The following MYO1D variants were observed in gnomAD, a reference collection of about 807,000 sequenced individuals.
MYO1D encodes the protein unconventional myosin-Id.
Under a neutral mutation model 122.0 loss-of-function variants are expected in MYO1D, and 83 were observed. The ratio of observed to expected loss-of-function variants is 0.68; its 90% CI spans 0.57 to 0.82. MYO1D has a LOEUF of 0.82. Ranked by LOEUF, MYO1D falls within the 40% of genes least tolerant of loss-of-function variation. The pLI, the probability that MYO1D is intolerant of heterozygous loss-of-function variation, is 0.00. For synonymous variants in MYO1D, 464 were observed against 446.9 expected (o/e 1.04, Z -0.48); for missense variants, 1,157 against 1,269.5 (o/e 0.91, Z 1.35).
intron 21 of MYO1D, among the ~76,000 whole-genome samples, chr17:32,579,744 T>C (rs1020681453): frequency 3.9e-4 from 60 of 152,206 alleles, no homozygotes; most frequent in African/African-American, 1.4e-3. Context: ...TGTATATAAA[T>C]GGATAAACTT....
chr17:32,734,420 ATTACT>A (rs1472872011), intron 14 of MYO1D, among the ~76,000 whole-genome samples: 1 of 151,866 alleles, frequency 6.6e-6, no homozygotes, highest in Non-Finnish European at 1.5e-5. Context: ...TTTTTGTTCC[ATTACT>A]TTAAAGTTTT....
intron 14 of MYO1D, among the ~76,000 whole-genome samples, chr17:32,730,502 T>C (rs1467459801): frequency 1.3e-5 from 2 of 152,206 alleles, no homozygotes; most frequent in Non-Finnish European, 2.9e-5. Flanking sequence ...AGAATCTCCT[T>C]AAGTGAGGTT....
At position 32,687,610 on chromosome 17, in the gene MYO1D, T is replaced by C. The variant is rs1388302253; in HGVS notation, c.2121+24378A>G. 4.6e-5 allele frequency among the ~76,000 whole-genome samples: 7 copies of C among 152,314 alleles called. No homozygotes were observed. In the East Asian group the frequency reaches 1.3e-3, roughly 29 times the overall value. On this transcript the variant is annotated intron_variant, in intron 16 of 21. Coordinates refer to ENST00000318217, the MANE Select transcript of MYO1D (RefSeq NM_015194.3). Reference sequence around the variant, plus strand: ...TTCCTGCTTCAGTCTCCCAAAGTGCTGGGATTACAGGCGTGAGCCACTGTG... The same window carrying C: ...TTCCTGCTTCAGTCTCCCAAAGTGCCGGGATTACAGGCGTGAGCCACTGTG...
chr17:32,722,368 T>G (rs2089521884), intron 14 of MYO1D, among the ~76,000 whole-genome samples: 1 of 152,226 alleles, frequency 6.6e-6, no homozygotes, highest in Admixed American at 6.5e-5. Flanking sequence ...GAGTCAAAAG[T>G]CAATGTGTCA....
At chr17:32,704,240 C>T (rs1464773877) in intron 16 of MYO1D, among the ~76,000 whole-genome samples, 1 of 152,176 alleles carries the variant, frequency 6.6e-6, no homozygotes, top group Non-Finnish European at 1.5e-5. Flanking sequence ...ATCAAATGTG[C>T]ATTATGAAAG....
chr17:32,838,814 A>C (rs1201337019), intron 1 of MYO1D, among the ~76,000 whole-genome samples: 1 of 152,174 alleles, frequency 6.6e-6, no homozygotes, highest in African/African-American at 2.4e-5. Flanking sequence ...AATATTAACA[A>C]CTGACTCAAT....
At chr17:32,869,608 G>A (rs932756315) in intron 1 of MYO1D, among the ~76,000 whole-genome samples, 3 of 152,216 alleles carry the variant, frequency 2.0e-5, no homozygotes, top group African/African-American at 7.2e-5. Context: ...TTGCTTAGCT[G>A]ACTCACACTT....
At position 32,784,133 on chromosome 17, in the gene MYO1D, G is replaced by T. The variant is rs181146286; in HGVS notation, c.96-3349C>A. On this transcript the variant is annotated intron_variant, in intron 1 of 21. Transcript: ENST00000318217. ...AACACTAAGAGTAAGAGCATACAGG[G>T]TCTGGCCTCCGGGTTTCTGTTGACT... is the stretch of plus-strand genomic sequence containing the variant. Among the ~76,000 whole-genome samples, 33 of 152,250 alleles carry T rather than the reference G, an allele frequency of 2.2e-4. 1 individual carries two copies. Among genetic ancestry groups the T allele is most frequent in the Middle Eastern group, 6.8e-3 (2 of 294 alleles).
At chr17:32,682,736 C>T (rs2088939744) in intron 16 of MYO1D, among the ~76,000 whole-genome samples, 1 of 119,656 alleles carries the variant, frequency 8.4e-6, no homozygotes, top group South Asian at 2.7e-4. Flanking sequence ...CTTGGAGTTG[C>T]TCTTCTCGAG....
chr17:32,855,930 T>C (rs1448827422), intron 1 of MYO1D, among the ~76,000 whole-genome samples: 2 of 152,210 alleles, frequency 1.3e-5, no homozygotes, highest in Non-Finnish European at 2.9e-5. Flanking sequence ...TGAGAGTATA[T>C]AGTCATTCTT....
At chr17:32,694,561 C>T (rs1027919120) in intron 16 of MYO1D, among the ~76,000 whole-genome samples, 13 of 151,348 alleles carry the variant, frequency 8.6e-5, no homozygotes, top group African/African-American at 1.2e-4. Context: ...ATTAGCCGGG[C>T]GCGGTGGCGG....
chr17:32,542,643 G>A (rs1910873007), intron 21 of MYO1D, among the ~76,000 whole-genome samples: 2 of 151,258 alleles, frequency 1.3e-5, no homozygotes, highest in Non-Finnish European at 1.5e-5. Context: ...AACAGTTAGG[G>A]GACAAGAAGG....
At chr17:32,695,024 A>G (rs954544801) in intron 16 of MYO1D, among the ~76,000 whole-genome samples, 1 of 151,866 alleles carries the variant, frequency 6.6e-6, no homozygotes, top group African/African-American at 2.4e-5. Flanking sequence ...TATTTCTCAC[A>G]TTTTTCTGCA....
At chr17:32,556,551 AT>A (rs66782964) in intron 21 of MYO1D, among the ~76,000 whole-genome samples, 1,599 of 139,562 alleles carry the variant, frequency 0.011, 21 homozygotes, top group African/African-American at 0.037. Context: ...TATGGCCACA[AT>A]TTTTTTTTTT....
intron 21 of MYO1D, among the ~76,000 whole-genome samples, chr17:32,585,165 T>G (rs2087375589): frequency 6.6e-6 from 1 of 152,210 alleles, no homozygotes; most frequent in Non-Finnish European, 1.5e-5. Flanking sequence ...TTTTCTTTTT[T>G]CTGACAAAGA....
chr17:32,698,372 C>T (rs1420416125), intron 16 of MYO1D, among the ~76,000 whole-genome samples: 18 of 137,364 alleles, frequency 1.3e-4, no homozygotes, highest in African/African-American at 4.9e-4. Context: ...CTCCCCCTCC[C>T]CCTTCCCTCC....
At chr17:32,831,653 C>A (rs780108851) in intron 1 of MYO1D, among the ~76,000 whole-genome samples, 4 of 152,182 alleles carry the variant, frequency 2.6e-5, no homozygotes, top group Non-Finnish European at 4.4e-5. Context: ...TGATGCAATA[C>A]AAAGTAATAA....
intron 2 of MYO1D, 75 bp from the exon 3 acceptor site, chr17:32,778,648 T>A (rs555624758): frequency 7.7e-7 from 1 of 1,304,332 alleles, no homozygotes; most frequent in Non-Finnish European, 1.1e-6. Context: ...TAGAATAATT[T>A]AAAAATCTGA....
At chr17:32,812,234 A>C (rs1308497366) in intron 1 of MYO1D, among the ~76,000 whole-genome samples, 1 of 152,258 alleles carries the variant, frequency 6.6e-6, no homozygotes, top group Admixed American at 6.5e-5. Context: ...GAATTGGTAC[A>C]GAAGGGATAT....
Sources: allele counts gnomAD v4.1 joint callset (sites outside exome capture counted in the v4.1 genomes callset), GRCh38; gene constraint gnomAD v4.1.1; transcripts MANE v1.5; gene names NCBI Gene and HGNC (gene_info 2026-07-23, HGNC 2026-07-21).